Variants in CDH4 observed in about 807,000 individuals in gnomAD.
CDH4 encodes the protein cadherin-4.
A neutral mutation model predicts 86.0 loss-of-function variants in CDH4; 33 were observed. The observed-to-expected ratio is 0.38, with a 90% CI of 0.29 to 0.51. The LOEUF is 0.51. Ranked by LOEUF, CDH4 falls within the 20% of genes least tolerant of loss-of-function variation. The pLI is 0.86. For missense variants in CDH4, 1,114 were observed against 1,307.4 expected, an observed-to-expected ratio of 0.85 and a Z score of 2.28; for synonymous variants, 555 against 549.4, an observed-to-expected ratio of 1.01 and a Z score of -0.14.
intron 2 of CDH4, among the ~76,000 whole-genome samples, chr20:61,296,269 G>GTGTGCATGTGTGCGTGTGTGTGTGCA (rs139087257): frequency 6.9e-6 from 1 of 144,458 alleles, no homozygotes; most frequent in East Asian, 2.1e-4. Context: ...GTGCGTGTGT[G>GTGTGCATGTGTGCGTGTGTGTGTGCA]TGTGTGCGTG....
intron 4 of CDH4, among the ~76,000 whole-genome samples, chr20:61,798,432 G>A (rs538821075): frequency 3.3e-5 from 5 of 152,362 alleles, no homozygotes; most frequent in South Asian, 4.1e-4. Flanking sequence ...ACCTCCGTGC[G>A]CAGCAGGCCT....
At chr20:61,831,847 G>A (rs1981631343) in intron 4 of CDH4, among the ~76,000 whole-genome samples, 1 of 152,250 alleles carries the variant, frequency 6.6e-6, no homozygotes. Context: ...TCCAGCATTT[G>A]CCTTCATTCC....
At chr20:61,371,554 G>A (rs2084840542) in intron 2 of CDH4, among the ~76,000 whole-genome samples, 1 of 152,232 alleles carries the variant, frequency 6.6e-6, no homozygotes, top group South Asian at 2.1e-4. Context: ...TTTTCTTCCT[G>A]TGGCTTCTCA....
rs151300553 is a variant in CDH4, at chr20:61,929,784, G to A, written c.2181G>A (p.Ala727=). 4.0e-5 allele frequency: 65 copies of A among 1,614,064 alleles called. No homozygotes were observed. The highest frequency in any genetic ancestry group is 1.4e-4 in the South Asian group (13 of 91,090). The part of the protein sequence containing the change: ...GDCTTIGAVA[A]AGLGTGAIVA... ...GCACCACCATTGGCGCAGTGGCAGC[G>A]GCTGGTCTGGGCACCGGTGCCATCG... The change falls in exon 13 of 16, where the codon GCG becomes GCA. Residue 727 remains alanine, a synonymous_variant. Transcript: ENST00000614565.
intron 2 of CDH4, among the ~76,000 whole-genome samples, chr20:61,351,541 T>G (rs2084712535): frequency 6.6e-6 from 1 of 152,120 alleles, no homozygotes; most frequent in South Asian, 2.1e-4. Context: ...GTTGTAATTT[T>G]TATTTTTTGA....
intron 2 of CDH4, among the ~76,000 whole-genome samples, chr20:61,483,541 C>T (rs976018016): frequency 2.0e-5 from 3 of 152,154 alleles, no homozygotes; most frequent in Admixed American, 6.5e-5. Flanking sequence ...CTTTGGCTGA[C>T]GAGATGTTAG....
chr20:61,752,993 A>G (rs2088518438), intron 3 of CDH4, among the ~76,000 whole-genome samples: 1 of 152,144 alleles, frequency 6.6e-6, no homozygotes, highest in Admixed American at 6.5e-5. Flanking sequence ...TTGTACTTAT[A>G]GTCTATTACT....
chr20:61,501,428 C>A lies in CDH4; in HGVS notation c.170-242135C>A, dbSNP rs6142783. ...CTGAAAAGTGTTGGTGTTTACCTGGCTACGTACTTGGCCACGGAGAGTCCA... is the reference window on the plus strand; with the variant it reads ...CTGAAAAGTGTTGGTGTTTACCTGGATACGTACTTGGCCACGGAGAGTCCA... On this transcript the variant is annotated intron_variant, in intron 2 of 15. Transcript: ENST00000614565. This position sits in a 1 kb window ranked among gnomAD's most constrained non-coding sequence, Gnocchi z 4.2. Among the ~76,000 whole-genome samples, 3 of 152,054 alleles carry A rather than the reference C, an allele frequency of 2.0e-5. No homozygotes were observed. The highest frequency in any genetic ancestry group is 7.3e-5 in the African/African-American group (3 of 41,360).
intron 2 of CDH4, among the ~76,000 whole-genome samples, chr20:61,301,195 A>G (rs1239039381): frequency 6.6e-6 from 1 of 152,240 alleles, no homozygotes; most frequent in Non-Finnish European, 1.5e-5. Flanking sequence ...GTCACTAGAA[A>G]GTGAAGGAGG....
chr20:61,899,115 G>A (rs1985264873), intron 8 of CDH4, among the ~76,000 whole-genome samples: 1 of 152,030 alleles, frequency 6.6e-6, no homozygotes, highest in Non-Finnish European at 1.5e-5. Context: ...GCCAAGATGT[G>A]AAACCCCATC....
At chr20:61,742,021 C>A (rs2088345651) in intron 2 of CDH4, among the ~76,000 whole-genome samples, 1 of 151,986 alleles carries the variant, frequency 6.6e-6, no homozygotes, top group Non-Finnish European at 1.5e-5. Flanking sequence ...TTGTCAGTGA[C>A]AATCAGATGT....
intron 2 of CDH4, among the ~76,000 whole-genome samples, chr20:61,405,895 T>C (rs985552864): frequency 6.6e-6 from 1 of 152,172 alleles, no homozygotes; most frequent in Non-Finnish European, 1.5e-5. Flanking sequence ...TTAGCCAAGA[T>C]GGTCTCGATC....
intron 2 of CDH4, among the ~76,000 whole-genome samples, chr20:61,512,391 G>A (rs73915096): frequency 0.033 from 5,080 of 152,210 alleles, 293 homozygotes; most frequent in African/African-American, 0.12. Context: ...CATTTCAATC[G>A]ACCATACCTC....
Position 61,508,990 on chromosome 20 carries a change from G to GTGCCATCA in CDH4, c.170-234571_170-234570insCCATCATG, listed in dbSNP as rs111800259. 9.4e-3 allele frequency among the ~76,000 whole-genome samples: 1,430 copies of GTGCCATCA among 152,268 alleles called. 23 individuals carry two copies. The highest frequency in any genetic ancestry group is 0.033 in the African/African-American group (1,373 of 41,580). On this transcript the variant is annotated intron_variant, in intron 2 of 15. Coordinates refer to ENST00000614565, the MANE Select transcript of CDH4 (RefSeq NM_001794.5). ...CAGCTTCTCTCCCAGGCCTCGCCCA[G>GTGCCATCA]TGGTACATGCTCGCAGCATGGACCT...
intron 2 of CDH4, among the ~76,000 whole-genome samples, chr20:61,472,005 A>G (rs914720014): frequency 3.3e-5 from 5 of 152,174 alleles, no homozygotes; most frequent in African/African-American, 1.2e-4. Flanking sequence ...TTCTGTAAAT[A>G]TCGATTAGGT....
chr20:61,367,074 A>G (rs1167660215), intron 2 of CDH4, among the ~76,000 whole-genome samples: 1 of 151,926 alleles, frequency 6.6e-6, no homozygotes, highest in Non-Finnish European at 1.5e-5. Context: ...GGGACTACTC[A>G]CTCGGGCAGA....
intron 2 of CDH4, among the ~76,000 whole-genome samples, chr20:61,387,781 C>T (rs1342803438): frequency 1.3e-5 from 2 of 152,136 alleles, no homozygotes; most frequent in African/African-American, 4.8e-5. Context: ...GAAGCTTTTC[C>T]GCAGTGAGAG....
intron 2 of CDH4, among the ~76,000 whole-genome samples, chr20:61,418,017 C>G (rs2085156200): frequency 6.6e-6 from 1 of 151,980 alleles, no homozygotes; most frequent in South Asian, 2.1e-4. Flanking sequence ...AGACAGATCA[C>G]AAGCAGAAGT....
intron 2 of CDH4, among the ~76,000 whole-genome samples, chr20:61,267,621 A>G (rs1438590347): frequency 2.0e-5 from 3 of 152,210 alleles, no homozygotes; most frequent in Admixed American, 1.3e-4. Flanking sequence ...CCTCTATCAA[A>G]TGGAATCTTA....
Sources: allele counts gnomAD v4.1 joint callset (sites outside exome capture counted in the v4.1 genomes callset), GRCh38; gene constraint gnomAD v4.1.1; non-coding constraint Gnocchi (gnomAD v3.1); transcripts MANE v1.5; gene names NCBI Gene and HGNC (gene_info 2026-07-23, HGNC 2026-07-21).